The following PRIMA1 variants were observed in gnomAD, a reference collection of about 807,000 sequenced individuals.
The protein encoded by PRIMA1 is proline-rich membrane anchor 1.
PRIMA1 carries 7 observed loss-of-function variants against 17.5 expected under a neutral mutation model. The ratio of observed to expected loss-of-function variants is 0.40; its 90% CI spans 0.23 to 0.75. The LOEUF is 0.75. PRIMA1 is among the 30% of genes least tolerant of loss of function. The pLI is 0.37. For missense variants in PRIMA1, 200 were observed against 201.8 expected, an observed-to-expected ratio of 0.99 and a Z score of 0.05; for synonymous variants, 97 against 77.9, an observed-to-expected ratio of 1.25 and a Z score of -1.29.
chr14:93,747,162 A>T (rs1308337699), intron 3 of PRIMA1, among the ~76,000 whole-genome samples: 1 of 152,074 alleles, frequency 6.6e-6, no homozygotes, highest in East Asian at 1.9e-4. Context: ...CAACATGAGG[A>T]GGTGCAGAGG....
At position 93,737,281 on chromosome 14, in the gene PRIMA1, G is replaced by A; in HGVS notation, c.319C>T (p.Leu107=). 6.2e-7 allele frequency: 1 copy of A among 1,614,168 alleles called. No homozygotes were observed. The change falls in exon 4 of 5, where the codon CTG becomes TTG. Residue 107 remains leucine (L), a synonymous_variant. Transcript: ENST00000393140. The part of the protein sequence containing the change: ...IAVCCASLVF[L]TVLVIICYKA... Reference sequence around the variant, plus strand: ...TAGCAAATGATGACAAGCACAGTCAGAAACACCAGGGAGGCACAGCATACG... The same window carrying A: ...TAGCAAATGATGACAAGCACAGTCAAAAACACCAGGGAGGCACAGCATACG...
intron 3 of PRIMA1, among the ~76,000 whole-genome samples, chr14:93,749,205 G>A (rs909503684): frequency 2.6e-5 from 4 of 152,174 alleles, no homozygotes; most frequent in South Asian, 2.1e-4. Context: ...GCACGGCTGC[G>A]CAGAAGGTCC....
At chr14:93,761,383 A>G (rs1280526352) in intron 3 of PRIMA1, among the ~76,000 whole-genome samples, 2 of 152,154 alleles carry the variant, frequency 1.3e-5, no homozygotes, top group East Asian at 1.9e-4. Context: ...CCTCTGTCCT[A>G]TGTAAGCTAT....
chr14:93,785,208 G>C (rs201433387), intron 2 of PRIMA1, among the ~76,000 whole-genome samples: 1 of 53,724 alleles, frequency 1.9e-5, no homozygotes. Flanking sequence ...AAAAAAAAAA[G>C]AATCATCTGG....
chr14:93,775,574 C>T (rs141975518), intron 3 of PRIMA1, among the ~76,000 whole-genome samples: 3 of 152,374 alleles, frequency 2.0e-5, no homozygotes, highest in African/African-American at 7.2e-5. Flanking sequence ...TCTTGGCTCA[C>T]TGCAACCTCC....
At chr14:93,732,449 A>G (rs986778312) in intron 4 of PRIMA1, among the ~76,000 whole-genome samples, 1 of 152,112 alleles carries the variant, frequency 6.6e-6, no homozygotes, top group African/African-American at 2.4e-5. Flanking sequence ...CCTGCCCTGG[A>G]CGGACACTCG....
chr14:93,758,594 C>CA (rs34329291), intron 3 of PRIMA1, among the ~76,000 whole-genome samples: 8,954 of 81,142 alleles, frequency 0.11, 494 homozygotes, highest in East Asian at 0.27. Flanking sequence ...GCAAGACTCT[C>CA]AAAAAAAAAA....
intron 4 of PRIMA1, among the ~76,000 whole-genome samples, chr14:93,731,077 A>C (rs2141155698): frequency 6.6e-6 from 1 of 152,274 alleles, no homozygotes; most frequent in South Asian, 2.1e-4. Context: ...GGCATTGTTA[A>C]CCCCAGGAAA....
chr14:93,765,056 C>T (rs939401893), intron 3 of PRIMA1, among the ~76,000 whole-genome samples: 1 of 151,884 alleles, frequency 6.6e-6, no homozygotes, highest in Non-Finnish European at 1.5e-5. Context: ...GTCCCTTCCC[C>T]GTTGAGTCCC....
At position 93,719,901 on chromosome 14, in the gene PRIMA1, C is replaced by T. The variant is rs2076026205; in HGVS notation, c.*1543G>A. On this transcript the variant is annotated 3_prime_UTR_variant, in exon 5 of 5. Transcript: ENST00000393140. ...CCCACACCTGATGACCTGGGCAGGA[C>T]AATGACACACAGACAGCTCCGTGGG... The T allele has an allele frequency of 6.6e-6, 1 of 152,262 alleles. No homozygotes were observed. The highest frequency in any genetic ancestry group is 1.5e-5 in the Non-Finnish European group (1 of 68,072). The allele number at this position is 152,262 out of a possible 1,614,324, so 9.4% of individuals were successfully genotyped here. A position where few individuals can be genotyped will look rare whatever the true frequency, so the allele number is the denominator to read the frequency against.
chr14:93,754,971 C>G (rs1376115225), intron 3 of PRIMA1, among the ~76,000 whole-genome samples: 1 of 152,192 alleles, frequency 6.6e-6, no homozygotes, highest in Admixed American at 6.5e-5. Context: ...TTTGGGAAGG[C>G]ACGGCTGGCT....
intron 3 of PRIMA1, among the ~76,000 whole-genome samples, chr14:93,769,525 C>T (rs1017659468): frequency 2.0e-5 from 3 of 152,214 alleles, no homozygotes; most frequent in East Asian, 3.9e-4. Flanking sequence ...TTCAAAGTGA[C>T]ATGGCCCGTG....
intron 3 of PRIMA1, among the ~76,000 whole-genome samples, chr14:93,752,409 T>C (rs934773889): frequency 1.3e-5 from 2 of 152,274 alleles, no homozygotes; most frequent in African/African-American, 2.4e-5. Context: ...CCAGGTCATA[T>C]TCCAACCCCA....
Position 93,726,235 on chromosome 14 carries a change from G to T in PRIMA1, c.360-4689C>A, listed in dbSNP as rs975558595. On this transcript the variant is annotated intron_variant, in intron 4 of 4. Transcript: ENST00000393140. This position sits in a 1 kb window ranked among gnomAD's most constrained non-coding sequence, Gnocchi z 4.2. Reference sequence around the variant, plus strand: ...AACTGTGCCTCCACCGGCATCTTTGGCCTGGGCAAGGAGGGCCAGGACCCA... The same window carrying T: ...AACTGTGCCTCCACCGGCATCTTTGTCCTGGGCAAGGAGGGCCAGGACCCA... Among the ~76,000 whole-genome samples the T allele has an allele frequency of 6.6e-6, 1 of 152,166 alleles. No individual in the cohort carries two copies. Among genetic ancestry groups the T allele is most frequent in the Admixed American group, 6.5e-5 (1 of 15,280 alleles).
In PRIMA1 at chr14:93,721,055, G is replaced by A. The variant is rs759255492; in HGVS notation, c.*389C>T. 2.0e-4 allele frequency: 35 copies of A among 179,358 alleles called. No homozygotes were observed. Among genetic ancestry groups the A allele is most frequent in the Non-Finnish European group, 3.0e-4 (26 of 85,554 alleles). 11.1% of individuals were successfully genotyped at this position (179,358 alleles called of 1,614,324 possible). ...GGTTTTCCGGCAGGGAGTGGGCTCC[G>A]GACCATCTTTCTTTTGGCTAAAGGG... On this transcript the variant is annotated 3_prime_UTR_variant, in exon 5 of 5. Transcript: ENST00000393140.
At chr14:93,771,953 T>G (rs145306629) in intron 3 of PRIMA1, among the ~76,000 whole-genome samples, 58 of 152,310 alleles carry the variant, frequency 3.8e-4, no homozygotes, top group Non-Finnish European at 7.1e-4. Flanking sequence ...TCCCTTCCTC[T>G]CCAGCTGGGC....
chr14:93,763,879 C>T (rs887416109), intron 3 of PRIMA1, among the ~76,000 whole-genome samples: 1 of 152,088 alleles, frequency 6.6e-6, no homozygotes, highest in African/African-American at 2.4e-5. Flanking sequence ...GGGGCTAGCC[C>T]GGGCCTCTGT....
At chr14:93,763,205 G>A (rs1555417041) in intron 3 of PRIMA1, among the ~76,000 whole-genome samples, 2 of 152,104 alleles carry the variant, frequency 1.3e-5, no homozygotes, top group Non-Finnish European at 2.9e-5. Context: ...ATGTTTGATC[G>A]AATAAAAGTC....
At chr14:93,743,248 A>G (rs1470048119) in intron 3 of PRIMA1, among the ~76,000 whole-genome samples, 14 of 152,168 alleles carry the variant, frequency 9.2e-5, no homozygotes, top group Admixed American at 9.2e-4. Context: ...AGTACCAGAC[A>G]TTGCTGGTGA....
Sources: allele counts gnomAD v4.1 joint callset (sites outside exome capture counted in the v4.1 genomes callset), GRCh38; gene constraint gnomAD v4.1.1; non-coding constraint Gnocchi (gnomAD v3.1); transcripts MANE v1.5; gene names NCBI Gene and HGNC (gene_info 2026-07-23, HGNC 2026-07-21).